Variants in DRC9 observed in about 807,000 individuals in gnomAD.
The protein encoded by DRC9 is dynein regulatory complex protein 9.
chr3:197,941,256 C>A, the DRC9 span, among the ~76,000 whole-genome samples: 29 of 133,172 alleles, frequency 2.2e-4, no homozygotes, highest in African/African-American at 8.0e-4. Flanking sequence ...CCTCCCTTCC[C>A]CCTCCCTCCC....
chr3:197,911,097 C>T, the DRC9 span, among the ~76,000 whole-genome samples: 3 of 151,614 alleles, frequency 2.0e-5, no homozygotes, highest in Non-Finnish European at 2.9e-5. Flanking sequence ...TTAAAACCAC[C>T]GTGTCATATA....
the DRC9 span, among the ~76,000 whole-genome samples, chr3:197,915,378 G>A: frequency 3.9e-5 from 6 of 152,056 alleles, no homozygotes; most frequent in South Asian, 2.1e-4. Context: ...GTTGGAGGTC[G>A]GTAAGGGCAC....
chr3:197,911,909 G>T, the DRC9 span, among the ~76,000 whole-genome samples: 2 of 151,792 alleles, frequency 1.3e-5, no homozygotes, highest in African/African-American at 4.8e-5. Context: ...CAAAGTGCTG[G>T]GATTACAGGC....
the DRC9 span, among the ~76,000 whole-genome samples, chr3:197,918,882 C>T: frequency 6.6e-6 from 1 of 152,306 alleles, no homozygotes; most frequent in South Asian, 2.1e-4. Flanking sequence ...AATCTTGGCT[C>T]ATTGCAACTT....
At chr3:197,893,838 A>G in the DRC9 span, among the ~76,000 whole-genome samples, 91 of 152,092 alleles carry the variant, frequency 6.0e-4, no homozygotes, top group African/African-American at 2.1e-3. Context: ...ACAGAGTGAG[A>G]CTCCGTCTCA....
the DRC9 span, among the ~76,000 whole-genome samples, chr3:197,933,037 TATACATATATATAAA>T: frequency 7.3e-6 from 1 of 136,310 alleles, no homozygotes; most frequent in Non-Finnish European, 1.5e-5. Flanking sequence ...TATTATATAT[TATACATATATATAAA>T]ATACATATAT....
At chr3:197,903,684 CAATT>C in the DRC9 span, among the ~76,000 whole-genome samples, 4 of 152,024 alleles carry the variant, frequency 2.6e-5, no homozygotes, top group Non-Finnish European at 5.9e-5. Context: ...GCAAACAAAA[CAATT>C]AAAGTGAAAA....
the DRC9 span, among the ~76,000 whole-genome samples, chr3:197,953,247 C>T: frequency 6.6e-6 from 1 of 152,184 alleles, no homozygotes; most frequent in Non-Finnish European, 1.5e-5. Flanking sequence ...TGCAGTGGCT[C>T]ACACTTGTAG....
chr3:197,891,543 C>T, the DRC9 span: 1 of 1,562,074 alleles, frequency 6.4e-7, no homozygotes, highest in Non-Finnish European at 8.8e-7. Context: ...TTCATACTCT[C>T]TTATCTGCAA....
chr3:197,942,124 T>TA, the DRC9 span, among the ~76,000 whole-genome samples: 1 of 152,084 alleles, frequency 6.6e-6, no homozygotes, highest in Non-Finnish European at 1.5e-5. Flanking sequence ...CATTACAACT[T>TA]ACAAATGAGA....
chr3:197,890,806 G>A, the DRC9 span, among the ~76,000 whole-genome samples: 1 of 152,188 alleles, frequency 6.6e-6, no homozygotes, highest in Non-Finnish European at 1.5e-5. Flanking sequence ...GGTCCAGAAT[G>A]TGGTATAAAA....
At chr3:197,946,524 C>T in the DRC9 span, among the ~76,000 whole-genome samples, 5 of 151,048 alleles carry the variant, frequency 3.3e-5, no homozygotes, top group South Asian at 1.0e-3. Flanking sequence ...CTCAGTAAAC[C>T]AAAATCCTTT....
chr3:197,930,736 GAA>G, the DRC9 span, among the ~76,000 whole-genome samples: 9 of 94,234 alleles, frequency 9.6e-5, no homozygotes, highest in East Asian at 3.1e-4. Flanking sequence ...CTCAGTCTCA[GAA>G]AAAAAAAAAA....
chr3:197,891,371 A>G, the DRC9 span: 11 of 783,132 alleles, frequency 1.4e-5, no homozygotes, highest in South Asian at 1.5e-4. Flanking sequence ...GATGTGTTTG[A>G]TAATGAATTG....
the DRC9 span, chr3:197,953,425 C>T: frequency 1.1e-5 from 5 of 456,626 alleles, no homozygotes; most frequent in African/African-American, 6.0e-5. Context: ...GCTCGAACCA[C>T]AGTAGTTTCT....
chr3:197,904,071 CATATATATATACATACATATAT>C, the DRC9 span, among the ~76,000 whole-genome samples: 678 of 45,812 alleles, frequency 0.015, 11 homozygotes, highest in African/African-American at 0.034. Flanking sequence ...TATATACATA[CATATATATATACATACATATAT>C]ATATATATAT....
chr3:197,902,082 A>G, the DRC9 span, among the ~76,000 whole-genome samples: 4 of 152,196 alleles, frequency 2.6e-5, no homozygotes, highest in Non-Finnish European at 5.9e-5. Flanking sequence ...CTCCCTGGCA[A>G]TCCAGAAAAT....
At chr3:197,906,615 AG>A in the DRC9 span, 1 of 152,204 alleles carries the variant, frequency 6.6e-6, no homozygotes, top group Non-Finnish European at 1.5e-5. Context: ...CCAATGCTTC[AG>A]TCATCTCAGA....
At chr3:197,904,071 CATATATATATACATACATAT>C in the DRC9 span, among the ~76,000 whole-genome samples, 51 of 45,948 alleles carry the variant, frequency 1.1e-3, no homozygotes, top group African/African-American at 2.0e-3. Context: ...TATATACATA[CATATATATATACATACATAT>C]ATATATATAT....
Sources: allele counts gnomAD v4.1 joint callset (sites outside exome capture counted in the v4.1 genomes callset), GRCh38; gene constraint gnomAD v4.1.1; transcripts MANE v1.5; gene names NCBI Gene and HGNC (gene_info 2026-07-23, HGNC 2026-07-21).